Variants in FAAH2 observed in about 807,000 individuals in gnomAD.
The protein encoded by FAAH2 is fatty acid amide hydrolase 2.
FAAH2 carries 60 observed loss-of-function variants against 36.9 expected under a neutral mutation model. The observed-to-expected ratio is 1.63, with a 90% confidence interval of 1.32 to 2.02. FAAH2 has a LOEUF of 2.02. Ranked by LOEUF, FAAH2 falls within the 30% of genes most tolerant of loss-of-function variation. FAAH2 has a pLI of 0.00. For missense variants in FAAH2, 689 were observed against 397.5 expected (o/e 1.73, Z -6.23); for synonymous variants, 214 against 143.8 (o/e 1.49, Z -3.49).
At chrX:57,429,496 C>T (rs2056243487) in intron 7 of FAAH2, among the ~76,000 whole-genome samples, 1 of 111,764 alleles carries the variant, frequency 8.9e-6, no homozygotes, top group African/African-American at 3.2e-5. Flanking sequence ...TATTGTATTA[C>T]ACCACAGTAG....
At chrX:57,225,225 A>T in the FAAH2 span, among the ~76,000 whole-genome samples, 1 of 110,623 alleles carries the variant, frequency 9.0e-6, no homozygotes, top group East Asian at 2.8e-4. Context: ...CTTGAGGTGT[A>T]ACCTTATATT....
the FAAH2 span, among the ~76,000 whole-genome samples, chrX:57,257,118 G>T: frequency 8.9e-6 from 1 of 112,294 alleles, no homozygotes; most frequent in Non-Finnish European, 1.9e-5. Context: ...TTCAATCATT[G>T]TGGAAGACAG....
chrX:57,374,064 G>A (rs749026151), intron 5 of FAAH2, among the ~76,000 whole-genome samples: 12 of 111,611 alleles, frequency 1.1e-4, no homozygotes, highest in Non-Finnish European at 5.7e-5. Flanking sequence ...ATTCTGTTCC[G>A]TTGGTATATG....
At chrX:57,424,291 G>T (rs2056108149) in intron 7 of FAAH2, among the ~76,000 whole-genome samples, 1 of 111,918 alleles carries the variant, frequency 8.9e-6, no homozygotes, top group African/African-American at 3.3e-5. Flanking sequence ...GCTGAGCATA[G>T]AACCCAGGCC....
intron 8 of FAAH2, among the ~76,000 whole-genome samples, chrX:57,434,815 G>T (rs1037005934): frequency 9.0e-6 from 1 of 111,076 alleles, no homozygotes; most frequent in Non-Finnish European, 1.9e-5. Flanking sequence ...ATTGCAAAAG[G>T]CATATTAAAT....
chrX:57,127,869 G>C, the FAAH2 span, among the ~76,000 whole-genome samples: 1 of 111,244 alleles, frequency 9.0e-6, no homozygotes, highest in Non-Finnish European at 1.9e-5. Context: ...GTAAATATAG[G>C]AATTTGGAAG....
chrX:57,337,989 A>C (rs1409861929), intron 4 of FAAH2, among the ~76,000 whole-genome samples: 9 of 112,202 alleles, frequency 8.0e-5, no homozygotes, highest in Non-Finnish European at 1.5e-4. Context: ...TTACATGATC[A>C]TATATCTAGA....
chrX:57,255,082 T>A, the FAAH2 span, among the ~76,000 whole-genome samples: 1 of 111,048 alleles, frequency 9.0e-6, no homozygotes, highest in Non-Finnish European at 1.9e-5. Context: ...GTAATAAAAA[T>A]GATAAAGGGC....
the FAAH2 span, among the ~76,000 whole-genome samples, chrX:57,258,696 G>GT: frequency 4.1e-5 from 4 of 98,064 alleles, no homozygotes; most frequent in Middle Eastern, 5.6e-3. Context: ...CTATAAAAAG[G>GT]TTTTTTTGTT....
At chrX:57,218,934 A>G in the FAAH2 span, among the ~76,000 whole-genome samples, 1 of 111,569 alleles carries the variant, frequency 9.0e-6, no homozygotes, top group African/African-American at 3.3e-5. Flanking sequence ...TAGGTGTAAG[A>G]TTGTCCCCAT....
chrX:57,474,884 G>A (rs2057236276), intron 10 of FAAH2, among the ~76,000 whole-genome samples: 2 of 111,631 alleles, frequency 1.8e-5, no homozygotes, highest in South Asian at 7.4e-4. Flanking sequence ...GTTAATAATC[G>A]CCATTCTAAC....
the FAAH2 span, among the ~76,000 whole-genome samples, chrX:57,272,627 C>A: frequency 8.9e-6 from 1 of 111,968 alleles, no homozygotes; most frequent in Non-Finnish European, 1.9e-5. Context: ...AAAGAATTTT[C>A]AAACCAGAAT....
chrX:57,343,173 T>A (rs1038782713), intron 5 of FAAH2, among the ~76,000 whole-genome samples: 3 of 111,889 alleles, frequency 2.7e-5, no homozygotes, highest in Non-Finnish European at 3.8e-5. Context: ...ATGGCAGTTC[T>A]AAGTTATTTG....
chrX:57,277,436 A>T, the FAAH2 span, among the ~76,000 whole-genome samples: 1 of 111,744 alleles, frequency 8.9e-6, no homozygotes, highest in Non-Finnish European at 1.9e-5. Context: ...AAATAATAGG[A>T]TCTATTTATG....
chrX:57,187,700 G>T, the FAAH2 span, among the ~76,000 whole-genome samples: 1 of 111,112 alleles, frequency 9.0e-6, no homozygotes, highest in Admixed American at 9.6e-5. Flanking sequence ...TTGGCCATGG[G>T]TTTGTCACAA....
At chrX:57,309,656 C>A (rs564977116) in intron 2 of FAAH2, among the ~76,000 whole-genome samples, 1 of 111,070 alleles carries the variant, frequency 9.0e-6, no homozygotes, top group South Asian at 3.8e-4. Flanking sequence ...CTCCCTGTGT[C>A]CATGAGTCCT....
intron 10 of FAAH2, among the ~76,000 whole-genome samples, chrX:57,480,640 C>T (rs2057361975): frequency 9.0e-6 from 1 of 111,681 alleles, no homozygotes; most frequent in Non-Finnish European, 1.9e-5. Flanking sequence ...TTGTAGGTAA[C>T]CTGACCTTTC....
the FAAH2 span, among the ~76,000 whole-genome samples, chrX:57,190,731 G>A: frequency 8.2e-5 from 9 of 109,963 alleles, no homozygotes; most frequent in African/African-American, 3.0e-4. Flanking sequence ...TGCATCCATT[G>A]CCTAACCTCT....
the FAAH2 span, among the ~76,000 whole-genome samples, chrX:57,216,560 A>ACG: frequency 4.9e-4 from 22 of 45,214 alleles, 1 homozygote; most frequent in East Asian, 4.0e-3. Flanking sequence ...GTATATATAT[A>ACG]TATACGTATA....
Sources: gnomAD v4.1 joint callset for allele counts (sites outside exome capture counted in the v4.1 genomes callset) on GRCh38, gnomAD v4.1.1 for gene constraint, MANE v1.5 for transcripts, NCBI Gene and HGNC (gene_info 2026-07-23, HGNC 2026-07-21) for gene names.